The following FBXL13 variants were observed in gnomAD, a reference collection of about 807,000 sequenced individuals.
The protein encoded by FBXL13 is F-box and leucine-rich repeat protein 13.
Under a neutral mutation model 83.6 loss-of-function variants are expected in FBXL13, and 67 were observed. That is an observed-to-expected ratio of 0.80 (90% CI 0.66 to 0.98). FBXL13 has a LOEUF of 0.98. FBXL13 is among the 50% of genes least tolerant of loss of function. The probability of loss-of-function intolerance (pLI) is 0.00; values close to 1 mark genes in which losing one functional copy is unlikely to be tolerated. For synonymous variants in FBXL13, 272 were observed against 299.5 expected (o/e 0.91, Z 0.95); for missense variants, 822 against 866.5 (o/e 0.95, Z 0.64).
chr7:102,972,657 C>T (rs972403373), intron 6 of FBXL13, among the ~76,000 whole-genome samples: 15 of 150,786 alleles, frequency 9.9e-5, no homozygotes, highest in African/African-American at 3.2e-4. Context: ...TTACTTTAAA[C>T]GTTTTTATTT....
chr7:102,856,977 C>T (rs1278533205), intron 16 of FBXL13, among the ~76,000 whole-genome samples: 4 of 152,172 alleles, frequency 2.6e-5, no homozygotes. Context: ...AAAATCCATG[C>T]ATTCTTCAAC....
At chr7:103,057,487 C>T (rs1424265109) in intron 1 of FBXL13, among the ~76,000 whole-genome samples, 1 of 151,960 alleles carries the variant, frequency 6.6e-6, no homozygotes, top group African/African-American at 2.4e-5. Flanking sequence ...TTAGACCCAA[C>T]CATAAAAGAG....
intron 19 of FBXL13, among the ~76,000 whole-genome samples, chr7:102,819,896 T>G (rs746376742): frequency 6.6e-5 from 10 of 152,202 alleles, no homozygotes; most frequent in Non-Finnish European, 1.5e-4. Context: ...AAAACGAAGC[T>G]GCTCCATAGA....
At chr7:103,034,239 C>G (rs1315884338) in intron 2 of FBXL13, among the ~76,000 whole-genome samples, 1 of 152,210 alleles carries the variant, frequency 6.6e-6, no homozygotes, top group African/African-American at 2.4e-5. Context: ...GTGCCGTGTG[C>G]CCACACTCCT....
chr7:102,926,372 A>T, exon 10 of FBXL13: 1 of 1,612,230 alleles, frequency 6.2e-7, no homozygotes, highest in South Asian at 1.1e-5. Flanking sequence ...TCATTGATTC[A>T]TCCTGCATGA....
intron 2 of FBXL13, chr7:103,031,068 A>C (rs527818712): frequency 6.6e-6 from 1 of 152,308 alleles, no homozygotes; most frequent in South Asian, 2.1e-4. Flanking sequence ...GGGAAAAGCA[A>C]GTTTAAGAGA....
At chr7:102,866,113 T>C (rs1227173613) in intron 16 of FBXL13, among the ~76,000 whole-genome samples, 1 of 152,172 alleles carries the variant, frequency 6.6e-6, no homozygotes, top group Non-Finnish European at 1.5e-5. Context: ...CAGACATAGA[T>C]TCTGTATTGT....
intron 2 of FBXL13, among the ~76,000 whole-genome samples, chr7:103,041,863 A>G (rs1387941835): frequency 3.3e-5 from 5 of 152,068 alleles, no homozygotes; most frequent in African/African-American, 1.2e-4. Flanking sequence ...CACAGCCAAT[A>G]TCCTACTGAA....
Position 103,033,163 on chromosome 7 carries a change from G to GT in FBXL13, c.1-3746dup, listed in dbSNP as rs569019570. ...GAGACTAAGAAAGGTTTTTTTGTTT[G>GT]TTTTTTGTTTTTGTTTTTCTTTTTT... On this transcript the variant is annotated intron_variant, in intron 2 of 19. Coordinates refer to ENST00000313221, the Ensembl canonical transcript of FBXL13. Among the ~76,000 whole-genome samples, 6 of 152,020 alleles carry GT rather than the reference G, an allele frequency of 3.9e-5. No individual in the cohort carries two copies. The South Asian group carries it at 6.2e-4, about 16-fold the overall frequency.
At chr7:102,878,288 A>G (rs111737735) in intron 15 of FBXL13, 43 bp downstream of exon 16, 15 of 1,526,176 alleles carry the variant, frequency 9.8e-6, no homozygotes, top group African/African-American at 9.8e-5. Context: ...ATTATCAAAT[A>G]TACAATACTA....
chr7:103,017,369 C>T (rs1053677803), intron 6 of FBXL13, among the ~76,000 whole-genome samples: 7 of 151,762 alleles, frequency 4.6e-5, no homozygotes, highest in Non-Finnish European at 5.9e-5. Context: ...ACCACAAAGA[C>T]GGGGAAAAAA....
chr7:102,875,159 C>T (rs768531666), intron 16 of FBXL13, among the ~76,000 whole-genome samples: 1 of 152,136 alleles, frequency 6.6e-6, no homozygotes, highest in Non-Finnish European at 1.5e-5. Flanking sequence ...AAGGTTCTTA[C>T]AAAAGAACAC....
chr7:103,026,478 A>G (rs541215976), intron 5 of FBXL13, among the ~76,000 whole-genome samples: 2 of 152,332 alleles, frequency 1.3e-5, no homozygotes, highest in Non-Finnish European at 2.9e-5. Flanking sequence ...CTAACATAGT[A>G]TTAGGTACCC....
chr7:102,933,176 T>G (rs144191982), intron 8 of FBXL13: 1 of 152,018 alleles, frequency 6.6e-6, no homozygotes, highest in African/African-American at 2.4e-5. Context: ...AAGGTAACAT[T>G]TGAGCCAAGA....
downstream of FBXL13, among the ~76,000 whole-genome samples, chr7:102,811,818 C>A (rs1483810722): frequency 6.6e-6 from 1 of 152,198 alleles, no homozygotes; most frequent in Non-Finnish European, 1.5e-5. Flanking sequence ...ACTTCCCACT[C>A]AAATGATTCT....
At chr7:102,903,019 T>C (rs960169835) in intron 11 of FBXL13, among the ~76,000 whole-genome samples, 1 of 152,136 alleles carries the variant, frequency 6.6e-6, no homozygotes, top group Non-Finnish European at 1.5e-5. Flanking sequence ...TTGGGTAGTA[T>C]GGACATTTTA....
chr7:102,872,497 C>T (rs1470609654), intron 16 of FBXL13, among the ~76,000 whole-genome samples: 1 of 152,176 alleles, frequency 6.6e-6, no homozygotes, highest in Admixed American at 6.5e-5. Context: ...TCTTTTTAAA[C>T]CACTGTCTAA....
At chr7:102,953,413 A>G (rs1266038018) in intron 8 of FBXL13, among the ~76,000 whole-genome samples, 1 of 152,178 alleles carries the variant, frequency 6.6e-6, no homozygotes, top group Non-Finnish European at 1.5e-5. Context: ...GAAAGAGGGG[A>G]AAACCATTTC....
At chr7:102,849,431 T>C (rs1398313404) in intron 17 of FBXL13, among the ~76,000 whole-genome samples, 1 of 152,196 alleles carries the variant, frequency 6.6e-6, no homozygotes, top group Non-Finnish European at 1.5e-5. Context: ...TGTTCACAAC[T>C]CTTGCAAAAC....
Sources: allele counts gnomAD v4.1 joint callset (sites outside exome capture counted in the v4.1 genomes callset), GRCh38; gene constraint gnomAD v4.1.1; transcripts MANE v1.5; gene names NCBI Gene and HGNC (gene_info 2026-07-23, HGNC 2026-07-21).